Variants in MACO1 observed in about 807,000 individuals in gnomAD.
MACO1 encodes the protein macoilin.
MACO1 carries 14 observed loss-of-function variants against 78.7 expected under a neutral mutation model. The ratio of observed to expected loss-of-function variants is 0.18; its 90% CI spans 0.12 to 0.28. The LOEUF (loss-of-function observed/expected upper bound fraction) is 0.28, where lower values mean the gene tolerates loss of function less well. MACO1 is among the 10% of genes least tolerant of loss of function. The probability of loss-of-function intolerance (pLI) is 1.00; values close to 1 mark genes in which losing one functional copy is unlikely to be tolerated. For missense variants in MACO1, 501 were observed against 799.0 expected (o/e 0.63, Z 4.50); for synonymous variants, 288 against 291.6 (o/e 0.99, Z 0.12).
intron 1 of MACO1, 116 bp downstream of exon 1, chr1:25,431,294 T>G: frequency 1.7e-6 from 1 of 575,798 alleles, no homozygotes; most frequent in Non-Finnish European, 2.6e-6. Context: ...CCGGGGGCTC[T>G]CCTAAGGAGC....
chr1:25,461,444 T>C (rs910842072), intron 6 of MACO1, among the ~76,000 whole-genome samples: 9 of 152,326 alleles, frequency 5.9e-5, no homozygotes, highest in Middle Eastern at 6.8e-3. Context: ...ACCTTCTATT[T>C]ACTGTCTGAG....
intron 3 of MACO1, among the ~76,000 whole-genome samples, chr1:25,452,544 A>AT (rs1400733684): frequency 3.3e-5 from 5 of 152,142 alleles, no homozygotes; most frequent in South Asian, 2.1e-4. Context: ...CTTAAGGATT[A>AT]TTTTTTTTAT....
At chr1:25,464,975 A>ATT (rs374057922) in intron 6 of MACO1, among the ~76,000 whole-genome samples, 59,349 of 141,016 alleles carry the variant, frequency 0.42, 13,250 homozygotes, top group East Asian at 0.72. Flanking sequence ...CGCCCAGGCA[A>ATT]TTTTTTTTTT....
At position 25,491,484 on chromosome 1, in the gene MACO1, A is replaced by G; in HGVS notation, c.1692A>G (p.Lys564=). The G allele has an allele frequency of 6.2e-7, 1 of 1,614,270 alleles. No homozygotes were observed. The highest frequency in any genetic ancestry group is 8.5e-7 in the Non-Finnish European group (1 of 1,180,048). ...CAGCCCTCTCAGCCATGCAAGACAA[A>G]ACACAGCACCTGGAGAACAGCTTAA... ...LMSALSAMQD[K]TQHLENSLSA... is the part of the protein sequence containing the mutation. The change falls in exon 10 of 11, where the codon AAA becomes AAG. Residue 564 remains lysine, a synonymous_variant. Coordinates refer to ENST00000374343, the MANE Select transcript of MACO1 (RefSeq NM_018202.6).
chr1:25,463,474 C>T (rs2043189253), intron 6 of MACO1, among the ~76,000 whole-genome samples: 1 of 152,160 alleles, frequency 6.6e-6, no homozygotes, highest in Non-Finnish European at 1.5e-5. Context: ...TTTCTACCAG[C>T]TTGATTTCTG....
chr1:25,491,170 G>C (rs978367785), intron 9 of MACO1, among the ~76,000 whole-genome samples: 2 of 152,194 alleles, frequency 1.3e-5, no homozygotes, highest in African/African-American at 4.8e-5. Context: ...TTTGGAAGCA[G>C]ATTCCATTGT....
At chr1:25,434,180 AAAGTG>A (rs1259414925) in intron 1 of MACO1, among the ~76,000 whole-genome samples, 1 of 152,238 alleles carries the variant, frequency 6.6e-6, no homozygotes, top group Admixed American at 6.5e-5. Flanking sequence ...CATCATTTGA[AAAGTG>A]AAACATGCTA....
At chr1:25,466,419 T>C (rs2043219733) in intron 6 of MACO1, among the ~76,000 whole-genome samples, 1 of 152,234 alleles carries the variant, frequency 6.6e-6, no homozygotes, top group South Asian at 2.1e-4. Context: ...GTTCAAGTGA[T>C]TCTCGTGCCT....
chr1:25,484,168 G>A lies in MACO1; in HGVS notation c.1207G>A (p.Val403Met). The A allele has an allele frequency of 6.2e-7, 1 of 1,614,016 alleles. No individual in the cohort carries two copies. Among genetic ancestry groups the A allele is most frequent in the Non-Finnish European group, 8.5e-7 (1 of 1,180,000 alleles). ...GGCTGACCTGCAAGCCAGCAGACAAGTGGAACAAGAGCTCCGCAGTCAGAT... is the reference window on the plus strand; with the variant it reads ...GGCTGACCTGCAAGCCAGCAGACAAATGGAACAAGAGCTCCGCAGTCAGAT... ...LKADLQASRQ[V>M]EQELRSQISS... Residue 403 changes from valine (V) to methionine (M), a missense_variant, in exon 7 of 11, where the codon GTG becomes ATG. This residue lies in a region of MACO1 where 163 missense variants were observed against 271.9 expected (regional missense o/e 0.60). Coordinates refer to ENST00000374343, the MANE Select transcript of MACO1 (RefSeq NM_018202.6).
At chr1:25,431,794 C>G (rs1327875208) in intron 1 of MACO1, among the ~76,000 whole-genome samples, 1 of 152,244 alleles carries the variant, frequency 6.6e-6, no homozygotes, top group African/African-American at 2.4e-5. Context: ...AAATCATGCC[C>G]TGTGGCCCTG....
intron 1 of MACO1, among the ~76,000 whole-genome samples, chr1:25,433,163 TCTAA>T (rs1377193344): frequency 2.0e-5 from 3 of 152,260 alleles, no homozygotes; most frequent in Non-Finnish European, 2.9e-5. Context: ...TAAATGTATT[TCTAA>T]CTGTCTTTCC....
chr1:25,480,929 AATATATATATATATATATAT>A lies in MACO1; in HGVS notation c.1155-3160_1155-3141del, dbSNP rs202050214. ...AGACTTGGTTAAAAAAAAAAAAAAA[AATATATATATATATATATAT>A]ATATATATATATATATATATATATA... is the stretch of plus-strand genomic sequence containing the variant. On this transcript the variant is annotated intron_variant, in intron 6 of 10. Transcript: ENST00000374343. Among the ~76,000 whole-genome samples, 148 of 47,910 alleles carry A rather than the reference AATATATATATATATATATAT, an allele frequency of 3.1e-3. 4 individuals carry two copies. In the South Asian group the frequency reaches 0.034, roughly 11 times the overall value. 31.4% of individuals were successfully genotyped at this position (47,910 alleles called of 152,430 possible). A position where few individuals can be genotyped will look rare whatever the true frequency, so the allele number is the denominator to read the frequency against.
chr1:25,447,952 C>A lies in MACO1; in HGVS notation c.223-856C>A, dbSNP rs556083396. The stretch of plus-strand genomic sequence containing the variant: ...AATCTATGCTTTAAAAAGATAGTTT[C>A]GGCTTATGTTCTATTGGCGGTAGTG... On this transcript the variant is annotated intron_variant, in intron 2 of 10. Transcript: ENST00000374343. 2.6e-5 allele frequency among the ~76,000 whole-genome samples: 4 copies of A among 152,252 alleles called. No individual in the cohort carries two copies. The East Asian group carries it at 7.7e-4, about 29-fold the overall frequency.
intron 9 of MACO1, among the ~76,000 whole-genome samples, chr1:25,490,187 T>C (rs1250700841): frequency 6.6e-6 from 1 of 151,730 alleles, no homozygotes; most frequent in Non-Finnish European, 1.5e-5. Flanking sequence ...AATGAAAAAA[T>C]TGATTGGGGA....
At chr1:25,473,644 A>G (rs1447056417) in intron 6 of MACO1, among the ~76,000 whole-genome samples, 1 of 152,250 alleles carries the variant, frequency 6.6e-6, no homozygotes, top group Non-Finnish European at 1.5e-5. Flanking sequence ...CTGTTGGCAT[A>G]TAATGAATTT....
At chr1:25,434,545 T>C (rs2042903172) in intron 1 of MACO1, among the ~76,000 whole-genome samples, 1 of 152,172 alleles carries the variant, frequency 6.6e-6, no homozygotes, top group Non-Finnish European at 1.5e-5. Context: ...GAACTTTAAG[T>C]TCTGTTCAAG....
In MACO1 at chr1:25,489,251, G is replaced by A. The variant is rs764727194; in HGVS notation, c.1575G>A (p.Lys525=). 1 of 1,614,098 alleles carries A rather than the reference G, an allele frequency of 6.2e-7. No individual in the cohort carries two copies. The highest frequency in any genetic ancestry group is 1.7e-5 in the Admixed American group (1 of 60,024). ...AEGKKLTMDM[K]VKEDQIRELE... Reference sequence around the variant, plus strand: ...GCAAGAAGCTCACGATGGACATGAAGGTGAAAGAAGACCAAATCAGAGAAC... The same window carrying A: ...GCAAGAAGCTCACGATGGACATGAAAGTGAAAGAAGACCAAATCAGAGAAC... Residue 525 remains lysine (K), a synonymous_variant, in exon 9 of 11, where the codon AAG becomes AAA. Transcript: ENST00000374343.
rs1403848509 is a variant in MACO1, at chr1:25,430,998, A to C, written c.-101A>C. On this transcript the variant is annotated 5_prime_UTR_variant, in exon 1 of 11. Coordinates refer to ENST00000374343, the MANE Select transcript of MACO1 (RefSeq NM_018202.6). ...GCTCCATGTCTGTGTGACCGGCCTC[A>C]GGGGTAGAGTCCAGGCCCGACGCGG... 1 of 690,034 alleles carries C rather than the reference A, an allele frequency of 1.4e-6. No homozygotes were observed. The allele number at this position is 690,034 out of a possible 1,614,324, so 42.7% of individuals were successfully genotyped here.
chr1:25,489,126 CTATAGTCTTT>C lies in MACO1; in HGVS notation c.1497-44_1497-35del, dbSNP rs773799460. The C allele has an allele frequency of 5.7e-6, 9 of 1,589,070 alleles. No homozygotes were observed. In the Admixed American group the frequency reaches 1.6e-4, roughly 28 times the overall value. ...CTGAGTCACAGGGCCCAGCCCCAAC[CTATAGTCTTT>C]TAAATCACTTTATTTCCTTCTCTTC... On this transcript the variant is annotated intron_variant, in intron 8 of 10. Transcript: ENST00000374343.
Sources: gnomAD v4.1 joint callset for allele counts (sites outside exome capture counted in the v4.1 genomes callset) on GRCh38, gnomAD v4.1.1 for gene constraint, gnomAD v4.1.1 regional missense constraint, MANE v1.5 for transcripts, NCBI Gene and HGNC (gene_info 2026-07-23, HGNC 2026-07-21) for gene names.